Variants in CC2D1A observed in about 807,000 individuals in gnomAD.
The protein encoded by CC2D1A is coiled-coil and C2 domain containing 1A.
Under a neutral mutation model 123.8 loss-of-function variants are expected in CC2D1A, and 68 were observed. The observed-to-expected ratio is 0.55, with a 90% CI of 0.45 to 0.67. The LOEUF is 0.67. Ranked by LOEUF, CC2D1A falls within the 30% of genes least tolerant of loss-of-function variation. The probability of loss-of-function intolerance (pLI) is 0.00; values close to 1 mark genes in which losing one functional copy is unlikely to be tolerated. For synonymous variants in CC2D1A, 477 were observed against 528.0 expected (o/e 0.90, Z 1.32); for missense variants, 1,185 against 1,290.3 (o/e 0.92, Z 1.25).
At chr19:13,907,420 A>C (rs1398237776) in intron 1 of CC2D1A, among the ~76,000 whole-genome samples, 6 of 152,104 alleles carry the variant, frequency 3.9e-5, no homozygotes, top group African/African-American at 1.4e-4. Flanking sequence ...TCTAAAATAA[A>C]GATAAAAAAT....
chr19:13,926,460 G>A, intron 17 of CC2D1A, 57 bp from the exon 18 acceptor site: 1 of 1,532,682 alleles, frequency 6.5e-7, no homozygotes, highest in Non-Finnish European at 9.0e-7. Flanking sequence ...GCGGGCAGTG[G>A]GACTGAGGTG....
chr19:13,910,264 C>T (rs892787116), intron 2 of CC2D1A, among the ~76,000 whole-genome samples: 13 of 151,468 alleles, frequency 8.6e-5, no homozygotes, highest in Middle Eastern at 3.4e-3. Context: ...AAAAATTAGC[C>T]GGGCGTGGTG....
At chr19:13,918,345 T>C in intron 7 of CC2D1A, 151 bp downstream of exon 7, 1 of 1,154,340 alleles carries the variant, frequency 8.7e-7, no homozygotes, top group Non-Finnish European at 1.2e-6. Context: ...ACCCCCTCTG[T>C]GAAATGGGCA....
chr19:13,915,614 G>A (rs116986378), intron 6 of CC2D1A, among the ~76,000 whole-genome samples: 4,553 of 152,252 alleles, frequency 0.03, 91 homozygotes, highest in South Asian at 0.056. Flanking sequence ...AGCACTCTGG[G>A]AGGCCAGGAG....
In CC2D1A at chr19:13,909,880, A is replaced by G; in HGVS notation, c.118A>G (p.Asn40Asp). The G allele has an allele frequency of 1.3e-6, 2 of 1,570,380 alleles. No individual in the cohort carries two copies. Among genetic ancestry groups the G allele is most frequent in the Non-Finnish European group, 1.7e-6 (2 of 1,156,428 alleles). Residue 40 changes from asparagine to aspartate, a missense_variant, in exon 2 of 29, where the codon AAC becomes GAC. By Grantham distance (23) the Asn-to-Asp change is conservative. Transcript: ENST00000318003. Reference sequence around the variant, plus strand: ...CCTGATGATCCCTGAGGACGGGGCTAACGATGAAGAACTGGAGGCTGAGTT... The same window carrying G: ...CCTGATGATCCCTGAGGACGGGGCTGACGATGAAGAACTGGAGGCTGAGTT... ...DGLMIPEDGA[N>D]DEELEAEFLA...
intron 17 of CC2D1A, among the ~76,000 whole-genome samples, chr19:13,925,374 A>C (rs918569822): frequency 1.3e-5 from 2 of 152,024 alleles, no homozygotes; most frequent in Non-Finnish European, 2.9e-5. Flanking sequence ...AGGTCAGGAG[A>C]TCGAGACCAT....
intron 17 of CC2D1A, among the ~76,000 whole-genome samples, chr19:13,925,946 A>ACACG (rs1476837852): frequency 8.2e-6 from 1 of 121,824 alleles, no homozygotes; most frequent in African/African-American, 3.8e-5. Context: ...ATATATATAT[A>ACACG]TATATATATA....
chr19:13,926,823 A>T lies in CC2D1A; in HGVS notation c.2076A>T (p.Glu692Asp). The T allele has an allele frequency of 6.2e-7, 1 of 1,614,066 alleles. No homozygotes were observed. Among genetic ancestry groups the T allele is most frequent in the Non-Finnish European group, 8.5e-7 (1 of 1,180,006 alleles). Residue 692 changes from glutamate to aspartate, a missense_variant and splice_region_variant, in exon 20 of 29, where the codon GAA becomes GAT. Transcript: ENST00000318003. ...VRFDFPYPNV[E>D]EAQKDKTSVI... ...TCCTGCCTCCTCTCTGGTCATAGGA[A>T]GAAGCTCAGAAAGACAAGACCAGTG...
Position 13,923,009 on chromosome 19 carries a change from A to G in CC2D1A, c.1642-324A>G, listed in dbSNP as rs1971460161. Among the ~76,000 whole-genome samples the G allele has an allele frequency of 6.6e-6, 1 of 152,160 alleles. No homozygotes were observed. Among genetic ancestry groups the G allele is most frequent in the South Asian group, 2.1e-4 (1 of 4,834 alleles). ...GGAGTTCGAGACCAGTCTGGCCAAC[A>G]TGGTGAAACCCTGTCTCTACTAAAA... On this transcript the variant is annotated intron_variant, in intron 14 of 28. Coordinates refer to ENST00000318003, the MANE Select transcript of CC2D1A (RefSeq NM_017721.5). The surrounding 1 kb of genome is among the most constrained non-coding windows in gnomAD (Gnocchi z 5.3).
intron 6 of CC2D1A, among the ~76,000 whole-genome samples, chr19:13,914,545 A>G (rs1971133451): frequency 6.6e-6 from 1 of 151,698 alleles, no homozygotes; most frequent in African/African-American, 2.4e-5. Context: ...TGTGTTAGCC[A>G]GGATGGTCTC....
chr19:13,927,529 A>C lies in CC2D1A; in HGVS notation c.2316+264A>C. ...CATGGTGGCTCATGCCTGTAATCCC[A>C]GCACTTTGGGAGGCTGAGGCGGGCA... On this transcript the variant is annotated intron_variant, in intron 22 of 28. Transcript: ENST00000318003. The C allele has an allele frequency of 6.0e-6, 3 of 500,534 alleles. No individual in the cohort carries two copies. In the South Asian group the frequency reaches 6.7e-5, roughly 11 times the overall value. 31.0% of individuals were successfully genotyped at this position (500,534 alleles called of 1,614,324 possible).
At chr19:13,926,799 C>T (rs1971659952) in intron 19 of CC2D1A, 22 bp from the exon 20 acceptor site, 2 of 1,614,020 alleles carry the variant, frequency 1.2e-6, no homozygotes, top group African/African-American at 2.7e-5. Flanking sequence ...CCCTAGATTT[C>T]CTGCCTCCTC....
At chr19:13,907,834 T>C (rs1393125106) in intron 1 of CC2D1A, among the ~76,000 whole-genome samples, 1 of 152,182 alleles carries the variant, frequency 6.6e-6, no homozygotes, top group African/African-American at 2.4e-5. Flanking sequence ...CTATTATCAT[T>C]ATTACTAGTT....
At position 13,919,909 on chromosome 19, in the gene CC2D1A, GGAT is replaced by G. The variant is rs1230739146; in HGVS notation, c.1317_1319del (p.Asp439del). 2 of 1,613,198 alleles carry G rather than the reference GGAT, an allele frequency of 1.2e-6. No homozygotes were observed. The highest frequency in any genetic ancestry group is 1.7e-6 in the Non-Finnish European group (2 of 1,179,864). ...AGACTGCCATGAAGCTGGCCAACCAGGATGAAGGCCCAGAGGATGAAGAGGATG... is the reference window on the plus strand; with the variant it reads ...AGACTGCCATGAAGCTGGCCAACCAGGAAGGCCCAGAGGATGAAGAGGATG... On this transcript the variant is annotated inframe_deletion, in exon 12 of 29. Coordinates refer to ENST00000318003, the MANE Select transcript of CC2D1A (RefSeq NM_017721.5).
At position 13,920,614 on chromosome 19, in the gene CC2D1A, C is replaced by A. The variant is rs1971376616; in HGVS notation, c.1414C>A (p.Gln472Lys). The change falls in exon 13 of 29, where the codon CAG (glutamine) becomes AAG (lysine). Residue 472 changes from glutamine to lysine, a missense_variant. Gln to Lys is a moderately conservative substitution (Grantham distance 53, BLOSUM62 1). Coordinates refer to ENST00000318003, the MANE Select transcript of CC2D1A (RefSeq NM_017721.5). Reference protein sequence around the residue: ...QPKAPPSRTPQSGSAPTAKAP... With the variant: ...QPKAPPSRTPKSGSAPTAKAP... ...CAAAGCCCCACCCTCAAGAACTCCCCAGTCGGGATCAGCCCCAACAGCCAA... is the reference window on the plus strand; with the variant it reads ...CAAAGCCCCACCCTCAAGAACTCCCAAGTCGGGATCAGCCCCAACAGCCAA... 1 of 1,611,392 alleles carries A rather than the reference C, an allele frequency of 6.2e-7. No individual in the cohort carries two copies. Among genetic ancestry groups the A allele is most frequent in the East Asian group, 2.2e-5 (1 of 44,768 alleles).
chr19:13,929,007 CTT>C (rs747988281), intron 24 of CC2D1A, among the ~76,000 whole-genome samples: 9 of 137,340 alleles, frequency 6.6e-5, no homozygotes, highest in Admixed American at 7.3e-5. Flanking sequence ...CCATGCTCGG[CTT>C]TTTTTTTTTT....
In CC2D1A at chr19:13,919,125, C is replaced by A. The variant is rs778799696; in HGVS notation, c.1150-5C>A. The A allele has an allele frequency of 1.2e-6, 2 of 1,611,660 alleles. No homozygotes were observed. The highest frequency in any genetic ancestry group is 1.7e-5 in the Admixed American group (1 of 59,916). On this transcript the variant is annotated splice_polypyrimidine_tract_variant and splice_region_variant and intron_variant, in intron 10 of 28. Transcript: ENST00000318003. ...AGGCAGCCCTAACACCTGTGGCCCT[C>A]GCAGCAATACCAAGATGCCATCCGA...
chr19:13,912,139 C>T (rs1971021544), intron 2 of CC2D1A, among the ~76,000 whole-genome samples, 184 bp from the exon 3 acceptor site: 2 of 152,198 alleles, frequency 1.3e-5, no homozygotes, highest in South Asian at 2.1e-4. Context: ...GCGTGAGTCA[C>T]TGTGCCCGGT....
At chr19:13,913,742 C>T in intron 6 of CC2D1A, 104 bp downstream of exon 6, 1 of 855,638 alleles carries the variant, frequency 1.2e-6, no homozygotes, top group South Asian at 1.8e-5. Flanking sequence ...GAGATATTTT[C>T]AACACCCTGA....
Sources: allele counts gnomAD v4.1 joint callset (sites outside exome capture counted in the v4.1 genomes callset), GRCh38; gene constraint gnomAD v4.1.1; non-coding constraint Gnocchi (gnomAD v3.1); transcripts MANE v1.5; gene names NCBI Gene and HGNC (gene_info 2026-07-23, HGNC 2026-07-21).